RAP1GAP2: variants seen among roughly 807,000 people sequenced by gnomAD.
RAP1GAP2 encodes RAP1 GTPase activating protein 2.
Under a neutral mutation model 95.0 loss-of-function variants are expected in RAP1GAP2, and 27 were observed. That is an observed-to-expected ratio of 0.28 (90% confidence interval 0.21 to 0.39). RAP1GAP2 has a LOEUF of 0.39. RAP1GAP2 is among the 10% of genes least tolerant of loss of function. RAP1GAP2 has a pLI of 1.00. For missense variants in RAP1GAP2, 771 were observed against 970.0 expected, an observed-to-expected ratio of 0.79 and a Z score of 2.72; for synonymous variants, 373 against 380.9, an observed-to-expected ratio of 0.98 and a Z score of 0.24.
intron 3 of RAP1GAP2, among the ~76,000 whole-genome samples, chr17:2,934,324 G>T (rs1274924380): frequency 6.6e-6 from 1 of 152,176 alleles, no homozygotes; most frequent in Non-Finnish European, 1.5e-5. Context: ...TAGAGAGGGG[G>T]TTTCACCATG....
At chr17:2,802,384 G>A (rs1258562092) in intron 2 of RAP1GAP2, among the ~76,000 whole-genome samples, 3 of 152,222 alleles carry the variant, frequency 2.0e-5, no homozygotes, top group Non-Finnish European at 4.4e-5. Flanking sequence ...GACTTTTCCT[G>A]CCCTTCAAGA....
intron 3 of RAP1GAP2, among the ~76,000 whole-genome samples, chr17:2,943,975 A>C (rs975549555): frequency 2.6e-5 from 4 of 151,920 alleles, no homozygotes; most frequent in East Asian, 1.9e-4. Context: ...TGGTGAAACC[A>C]GTCTCTACTA....
intron 17 of RAP1GAP2, among the ~76,000 whole-genome samples, chr17:3,012,218 A>C (rs2151624497): frequency 6.6e-6 from 1 of 152,274 alleles, no homozygotes; most frequent in Non-Finnish European, 1.5e-5. Context: ...CCTACTTTTC[A>C]AGCTGAACTG....
intron 1 of RAP1GAP2, among the ~76,000 whole-genome samples, chr17:2,761,466 T>C (rs1347722544): frequency 1.3e-5 from 2 of 151,724 alleles, no homozygotes; most frequent in South Asian, 4.2e-4. Flanking sequence ...TTTTGTATTT[T>C]TAGTAGAGAC....
At chr17:2,997,362 T>G (rs924100256) in intron 13 of RAP1GAP2, among the ~76,000 whole-genome samples, 2 of 152,182 alleles carry the variant, frequency 1.3e-5, no homozygotes, top group Admixed American at 6.5e-5. Flanking sequence ...TGCCTCTGTC[T>G]CCAGAGCTGT....
intron 3 of RAP1GAP2, among the ~76,000 whole-genome samples, chr17:2,947,414 G>A (rs1211502129): frequency 1.3e-5 from 2 of 152,038 alleles, no homozygotes; most frequent in Non-Finnish European, 2.9e-5. Context: ...AGTAACACTG[G>A]CCCGTCCAGC....
At chr17:2,756,496 A>G (rs904395293) in intron 1 of RAP1GAP2, among the ~76,000 whole-genome samples, 3 of 152,148 alleles carry the variant, frequency 2.0e-5, no homozygotes, top group South Asian at 2.1e-4. Context: ...AGGTGTCCCA[A>G]TGTTCAGGAC....
chr17:2,774,490 T>C, upstream of RAP1GAP2, among the ~76,000 whole-genome samples: 1 of 150,302 alleles, frequency 6.7e-6, no homozygotes, highest in East Asian at 2.0e-4. Context: ...GTTTTTTTTT[T>C]TTTTTTTTTG....
chr17:2,955,219 A>G (rs941502712), intron 3 of RAP1GAP2, among the ~76,000 whole-genome samples: 2 of 152,144 alleles, frequency 1.3e-5, no homozygotes, highest in African/African-American at 2.4e-5. Flanking sequence ...ATTTTCCACA[A>G]TGGCTGTACT....
At chr17:2,961,889 G>C (rs1037022387) in intron 4 of RAP1GAP2, among the ~76,000 whole-genome samples, 1 of 119,812 alleles carries the variant, frequency 8.3e-6, no homozygotes, top group African/African-American at 3.1e-5. Flanking sequence ...TGACCCTAAG[G>C]ATTTTTTTTT....
In RAP1GAP2 at chr17:2,841,073, C is replaced by G. The variant is rs148596738; in HGVS notation, c.80+40523C>G. ...GGGAAGCTGAGGCAGGAGAATCGCTCGAACCTGGGAGGCAGAGGTTGCAGT... is the reference window on the plus strand; with the variant it reads ...GGGAAGCTGAGGCAGGAGAATCGCTGGAACCTGGGAGGCAGAGGTTGCAGT... On this transcript the variant is annotated intron_variant, in intron 2 of 24. Transcript: ENST00000254695. Among the ~76,000 whole-genome samples, 1,473 of 147,388 alleles carry G rather than the reference C, an allele frequency of 1.0e-2. 44 individuals are homozygous for G. In the East Asian group the frequency reaches 0.1, roughly 10 times the overall value.
At chr17:2,952,100 G>C (rs1443910117) in intron 3 of RAP1GAP2, among the ~76,000 whole-genome samples, 2 of 152,126 alleles carry the variant, frequency 1.3e-5, no homozygotes, top group Admixed American at 1.3e-4. Flanking sequence ...TGTACCTTCA[G>C]CCTCATTTTG....
intron 22 of RAP1GAP2, among the ~76,000 whole-genome samples, chr17:3,030,595 G>C (rs35348666): frequency 0.053 from 8,146 of 152,294 alleles, 290 homozygotes; most frequent in Non-Finnish European, 0.079. Context: ...TACAATAGAC[G>C]TAAGAGCACA....
At position 2,960,281 on chromosome 17, in the gene RAP1GAP2, C is replaced by T. The variant is rs992050924; in HGVS notation, c.202-2389C>T. The stretch of plus-strand genomic sequence containing the variant: ...GGGAGGAAGTTTGCTCTCCTGCCCT[C>T]GGGGCTGTTCCCAGACAGGGATGAC... On this transcript the variant is annotated intron_variant, in intron 4 of 24. Transcript: ENST00000254695. Among the ~76,000 whole-genome samples, 5 of 152,056 alleles carry T rather than the reference C, an allele frequency of 3.3e-5. No homozygotes were observed. The East Asian group carries it at 5.8e-4, about 18-fold the overall frequency.
At chr17:2,782,161 G>A (rs1295250483) in intron 1 of RAP1GAP2, among the ~76,000 whole-genome samples, 1 of 152,148 alleles carries the variant, frequency 6.6e-6, no homozygotes, top group Non-Finnish European at 1.5e-5. Flanking sequence ...CCTCTCTCCA[G>A]GCTTCCTTAT....
chr17:2,883,421 T>A (rs2073375787), intron 2 of RAP1GAP2, among the ~76,000 whole-genome samples: 1 of 152,198 alleles, frequency 6.6e-6, no homozygotes, highest in Non-Finnish European at 1.5e-5. Context: ...CTCCACGTGC[T>A]GCCCTGCTCT....
chr17:2,935,125 A>G (rs1468705041), intron 3 of RAP1GAP2, among the ~76,000 whole-genome samples: 1 of 152,128 alleles, frequency 6.6e-6, no homozygotes, highest in Non-Finnish European at 1.5e-5. Flanking sequence ...GTCGTTCTAG[A>G]TGTTTAACTC....
Position 2,797,304 on chromosome 17 carries a change from G to A in RAP1GAP2, c.44+733G>A, listed in dbSNP as rs118094274. Among the ~76,000 whole-genome samples, 62 of 152,352 alleles carry A rather than the reference G, an allele frequency of 4.1e-4. No individual in the cohort carries two copies. In the East Asian group the frequency reaches 5.0e-3, roughly 12 times the overall value. ...TTGCCTCTAAGCTTCTGTCTGGGAT[G>A]AGGGATGTGCTTTTTCTTCCCGGCG... is the stretch of plus-strand genomic sequence containing the variant. On this transcript the variant is annotated intron_variant, in intron 1 of 24. Coordinates refer to ENST00000254695, the MANE Select transcript of RAP1GAP2 (RefSeq NM_015085.5). This position sits in a 1 kb window ranked among gnomAD's most constrained non-coding sequence, Gnocchi z 5.6.
At chr17:2,854,495 A>G (rs544065489) in intron 2 of RAP1GAP2, among the ~76,000 whole-genome samples, 1 of 152,268 alleles carries the variant, frequency 6.6e-6, no homozygotes, top group East Asian at 1.9e-4. Flanking sequence ...TGAGCCCTCG[A>G]GGTGCCTGCC....
Sources: gnomAD v4.1 joint callset for allele counts (sites outside exome capture counted in the v4.1 genomes callset) on GRCh38, gnomAD v4.1.1 for gene constraint, Gnocchi (gnomAD v3.1) non-coding constraint, MANE v1.5 for transcripts, NCBI Gene and HGNC (gene_info 2026-07-23, HGNC 2026-07-21) for gene names.